Variants in ZFPM2 observed in about 807,000 individuals in gnomAD.
ZFPM2 encodes zinc finger protein, FOG family member 2.
ZFPM2 carries 20 observed loss-of-function variants against 98.6 expected under a neutral mutation model. That is an observed-to-expected ratio of 0.20 (90% CI 0.14 to 0.29). ZFPM2 has a LOEUF of 0.29. ZFPM2 is among the 10% of genes least tolerant of loss of function. ZFPM2 has a pLI of 1.00. For missense variants in ZFPM2, 1,310 were observed against 1,388.6 expected, an observed-to-expected ratio of 0.94 and a Z score of 0.90; for synonymous variants, 518 against 502.7, an observed-to-expected ratio of 1.03 and a Z score of -0.41.
chr8:105,319,227 C>T (rs1281755519), intron 1 of ZFPM2, among the ~76,000 whole-genome samples: 1 of 152,142 alleles, frequency 6.6e-6, no homozygotes, highest in Admixed American at 6.5e-5. Flanking sequence ...GCTCAGCCCT[C>T]GCGCTCCCGG....
intron 1 of ZFPM2, among the ~76,000 whole-genome samples, chr8:105,329,079 C>T (rs1211276317): frequency 6.6e-6 from 1 of 151,870 alleles, no homozygotes; most frequent in African/African-American, 2.4e-5. Flanking sequence ...GAAGTCAGGG[C>T]TACAACTGGG....
intron 3 of ZFPM2, among the ~76,000 whole-genome samples, chr8:105,507,752 T>G (rs1019160453): frequency 1.3e-5 from 2 of 152,156 alleles, no homozygotes; most frequent in African/African-American, 4.8e-5. Flanking sequence ...TTATTTAGTC[T>G]TGGGGAAAAG....
At chr8:105,534,368 T>TA (rs1257324143) in intron 3 of ZFPM2, among the ~76,000 whole-genome samples, 1 of 121,256 alleles carries the variant, frequency 8.2e-6, no homozygotes, top group East Asian at 2.5e-4. Context: ...TTCCTCCCTT[T>TA]CTTCCTTTCT....
At chr8:105,500,427 A>G (rs1813567391) in intron 3 of ZFPM2, among the ~76,000 whole-genome samples, 1 of 152,184 alleles carries the variant, frequency 6.6e-6, no homozygotes, top group Non-Finnish European at 1.5e-5. Context: ...TTTTATATTT[A>G]CAACTAAATG....
intron 4 of ZFPM2, among the ~76,000 whole-genome samples, chr8:105,580,223 G>A (rs1427115566): frequency 6.6e-6 from 1 of 152,106 alleles, no homozygotes; most frequent in Non-Finnish European, 1.5e-5. Flanking sequence ...AGTTGTCTTA[G>A]GTACATATTT....
chr8:105,508,711 G>C (rs560129577), intron 3 of ZFPM2, among the ~76,000 whole-genome samples: 1 of 151,754 alleles, frequency 6.6e-6, no homozygotes, highest in African/African-American at 2.4e-5. Flanking sequence ...GGGGCTCTTC[G>C]GCTTCATTTC....
chr8:105,566,347 A>G (rs1447199098), intron 4 of ZFPM2, among the ~76,000 whole-genome samples: 1 of 152,146 alleles, frequency 6.6e-6, no homozygotes, highest in East Asian at 1.9e-4. Context: ...TATATTAAAT[A>G]CTATCATGGT....
chr8:105,469,577 T>G (rs1488430873), intron 3 of ZFPM2, among the ~76,000 whole-genome samples: 1 of 152,204 alleles, frequency 6.6e-6, no homozygotes, highest in Non-Finnish European at 1.5e-5. Context: ...CAAATACTGG[T>G]TTCGTCACCT....
intron 5 of ZFPM2, among the ~76,000 whole-genome samples, chr8:105,671,448 A>C (rs986241477): frequency 6.6e-6 from 1 of 151,862 alleles, no homozygotes; most frequent in African/African-American, 2.4e-5. Flanking sequence ...GTGTTGTTTT[A>C]ATCTCATTTC....
At chr8:105,628,832 A>C (rs539876965) in intron 4 of ZFPM2, among the ~76,000 whole-genome samples, 1 of 152,268 alleles carries the variant, frequency 6.6e-6, no homozygotes, top group African/African-American at 2.4e-5. Context: ...CCACCAGACA[A>C]GAGCTTGGGA....
intron 4 of ZFPM2, among the ~76,000 whole-genome samples, chr8:105,615,919 G>T (rs1816405470): frequency 6.6e-6 from 1 of 152,068 alleles, no homozygotes. Flanking sequence ...AAACGGCATG[G>T]TGTTCTTAGT....
intron 1 of ZFPM2, among the ~76,000 whole-genome samples, chr8:105,407,304 C>G (rs1339702077): frequency 6.6e-6 from 1 of 151,810 alleles, no homozygotes; most frequent in African/African-American, 2.4e-5. Flanking sequence ...TTACTTCACG[C>G]TATTTACACT....
intron 1 of ZFPM2, among the ~76,000 whole-genome samples, chr8:105,395,095 A>C (rs1263973115): frequency 6.6e-6 from 1 of 152,138 alleles, no homozygotes; most frequent in Non-Finnish European, 1.5e-5. Context: ...TACAGCCCCT[A>C]CATATCTCCA....
chr8:105,519,369 G>T (rs1300244962), intron 3 of ZFPM2, among the ~76,000 whole-genome samples: 1 of 151,736 alleles, frequency 6.6e-6, no homozygotes, highest in Non-Finnish European at 1.5e-5. Context: ...TGAAAAATAA[G>T]AATTATTATT....
At chr8:105,320,664 TTGTA>T (rs1288509675) in intron 1 of ZFPM2, among the ~76,000 whole-genome samples, 1 of 152,214 alleles carries the variant, frequency 6.6e-6, no homozygotes, top group African/African-American at 2.4e-5. Context: ...TATTAATTGA[TTGTA>T]TGGCACAAGA....
intron 1 of ZFPM2, among the ~76,000 whole-genome samples, chr8:105,330,595 CATATATATATATATACACATATAT>C (rs1436308845): frequency 1.1e-5 from 1 of 88,230 alleles, no homozygotes; most frequent in East Asian, 3.1e-4. Flanking sequence ...TATATATATA[CATATATATATATATACACATATAT>C]ATATATATAT....
intron 3 of ZFPM2, among the ~76,000 whole-genome samples, chr8:105,540,297 C>T (rs1216466631): frequency 1.3e-5 from 2 of 151,934 alleles, no homozygotes; most frequent in African/African-American, 2.4e-5. Context: ...ATCTCAATGC[C>T]GACTCTGCTA....
chr8:105,659,399 A>G (rs1339597527), intron 5 of ZFPM2, among the ~76,000 whole-genome samples: 5 of 152,218 alleles, frequency 3.3e-5, no homozygotes, highest in African/African-American at 1.2e-4. Flanking sequence ...AATGTTCAGA[A>G]ATGTTGGAAC....
intron 1 of ZFPM2, among the ~76,000 whole-genome samples, chr8:105,364,539 C>G (rs954342347): frequency 5.3e-5 from 8 of 151,562 alleles, no homozygotes; most frequent in East Asian, 1.9e-4. Flanking sequence ...ATTAGAAAAC[C>G]CTATTTCATT....
Sources: gnomAD v4.1 joint callset for allele counts (sites outside exome capture counted in the v4.1 genomes callset) on GRCh38, gnomAD v4.1.1 for gene constraint, MANE v1.5 for transcripts, NCBI Gene and HGNC (gene_info 2026-07-23, HGNC 2026-07-21) for gene names.